Variants in MLIP observed in about 807,000 individuals in gnomAD.
MLIP encodes the protein muscular LMNA-interacting protein.
A neutral mutation model predicts 84.8 loss-of-function variants in MLIP; 79 were observed. The observed-to-expected ratio is 0.93, with a 90% CI of 0.78 to 1.12. The LOEUF (loss-of-function observed/expected upper bound fraction) is 1.12, where lower values mean the gene tolerates loss of function less well. MLIP is among the 50% of genes most tolerant of loss of function. The pLI, the probability that MLIP is intolerant of heterozygous loss-of-function variation, is 0.00. For synonymous variants in MLIP, 504 were observed against 463.0 expected (o/e 1.09, Z -1.14); for missense variants, 1,257 against 1,160.6 (o/e 1.08, Z -1.21).
In MLIP at chr6:54,213,734, A is replaced by AACC. The variant is rs1554185767; in HGVS notation, c.2718+11502_2718+11503insCCA. ...AAAAAAAAAAAAAAAAAAAAAAAAA[A>AACC]AACAACAAACAGCATATCTTGTATG... On this transcript the variant is annotated intron_variant, in intron 11 of 13. Transcript: ENST00000502396. 1.3e-3 allele frequency among the ~76,000 whole-genome samples: 110 copies of AACC among 82,366 alleles called. 17 individuals carry two copies. Among genetic ancestry groups the AACC allele is most frequent in the African/African-American group, 1.8e-3 (41 of 22,300 alleles). The allele number at this position is 82,366 out of a possible 152,430, so 54.0% of individuals were successfully genotyped here. A position where few individuals can be genotyped will look rare whatever the true frequency, so the allele number is the denominator to read the frequency against.
At chr6:54,118,753 T>G (rs1294912289) in intron 1 of MLIP, among the ~76,000 whole-genome samples, 2 of 152,100 alleles carry the variant, frequency 1.3e-5, no homozygotes, top group East Asian at 3.9e-4. Context: ...AGAAAATATT[T>G]GTAAATTATA....
At chr6:54,115,590 A>G (rs1769844669) in intron 1 of MLIP, among the ~76,000 whole-genome samples, 1 of 152,210 alleles carries the variant, frequency 6.6e-6, no homozygotes, top group African/African-American at 2.4e-5. Context: ...AAAAATACCC[A>G]TTGAGATATA....
intron 5 of MLIP, among the ~76,000 whole-genome samples, chr6:54,156,885 C>T (rs182795507): frequency 6.6e-6 from 1 of 152,038 alleles, no homozygotes; most frequent in Admixed American, 6.6e-5. Context: ...ATGCAATATG[C>T]TTAAGATATG....
intron 10 of MLIP, among the ~76,000 whole-genome samples, chr6:54,190,307 C>T (rs1348964273): frequency 3.3e-5 from 5 of 152,058 alleles, no homozygotes; most frequent in African/African-American, 4.8e-5. Flanking sequence ...AGATATGTCA[C>T]ACAGGAGAAT....
At chr6:54,088,356 C>G (rs1767635785) in intron 1 of MLIP, among the ~76,000 whole-genome samples, 1 of 152,016 alleles carries the variant, frequency 6.6e-6, no homozygotes, top group Admixed American at 6.6e-5. Context: ...CTTATTTTAC[C>G]CTTCTTTGCT....
At chr6:54,193,425 G>A (rs938968998) in intron 10 of MLIP, among the ~76,000 whole-genome samples, 20 of 152,132 alleles carry the variant, frequency 1.3e-4, no homozygotes, top group African/African-American at 4.8e-4. Context: ...GATATTATGA[G>A]CAGCCATTTT....
chr6:54,114,019 T>G (rs486135), intron 1 of MLIP, among the ~76,000 whole-genome samples: 59,322 of 152,022 alleles, frequency 0.39, 12,060 homozygotes, highest in African/African-American at 0.5. Context: ...TTTGGACTGG[T>G]TCCTCAGTGT....
At chr6:54,056,949 A>G (rs1765696086) in intron 1 of MLIP, among the ~76,000 whole-genome samples, 1 of 152,196 alleles carries the variant, frequency 6.6e-6, no homozygotes, top group South Asian at 2.1e-4. Flanking sequence ...TTGCTTTATA[A>G]ATGAGAAAAG....
chr6:54,059,968 G>T (rs1461917515), intron 1 of MLIP, among the ~76,000 whole-genome samples: 1 of 152,226 alleles, frequency 6.6e-6, no homozygotes, highest in Non-Finnish European at 1.5e-5. Flanking sequence ...ATTCAGCATA[G>T]GCATGTAGTG....
intron 12 of MLIP, among the ~76,000 whole-genome samples, chr6:54,233,369 C>T (rs976734362): frequency 6.6e-6 from 1 of 151,802 alleles, no homozygotes; most frequent in Non-Finnish European, 1.5e-5. Context: ...TGATGTTCCC[C>T]TCTCTGTGTC....
chr6:54,193,426 C>A (rs1055884393), intron 10 of MLIP, among the ~76,000 whole-genome samples: 1 of 151,986 alleles, frequency 6.6e-6, no homozygotes, highest in Non-Finnish European at 1.5e-5. Flanking sequence ...ATATTATGAG[C>A]AGCCATTTTT....
chr6:54,022,306 C>T (rs780685472), intron 1 of MLIP, among the ~76,000 whole-genome samples: 8 of 152,150 alleles, frequency 5.3e-5, no homozygotes, highest in African/African-American at 1.9e-4. Context: ...TTCCTAAACT[C>T]GCCTATCACT....
intron 11 of MLIP, among the ~76,000 whole-genome samples, chr6:54,228,247 A>AGAATG (rs1780741852): frequency 2.1e-5 from 3 of 146,248 alleles, no homozygotes; most frequent in Non-Finnish European, 4.5e-5. Context: ...GATCGAACAT[A>AGAATG]GGAGAGAGAG....
intron 1 of MLIP, among the ~76,000 whole-genome samples, chr6:54,024,182 T>C (rs1258476749): frequency 6.6e-6 from 1 of 152,134 alleles, no homozygotes; most frequent in Non-Finnish European, 1.5e-5. Flanking sequence ...CCAGCTAATT[T>C]TGTATTTTTA....
chr6:54,136,125 ATTTGGAC>A (rs764672444), intron 3 of MLIP, among the ~76,000 whole-genome samples: 11 of 152,210 alleles, frequency 7.2e-5, no homozygotes, highest in Non-Finnish European at 1.5e-4. Context: ...TTCCTGTTTA[ATTTGGAC>A]TTTGCTTTCA....
chr6:54,129,991 C>T (rs1771249599), intron 3 of MLIP, among the ~76,000 whole-genome samples: 1 of 152,108 alleles, frequency 6.6e-6, no homozygotes, highest in African/African-American at 2.4e-5. Flanking sequence ...AACTTTTCTC[C>T]AGTGATCTTC....
chr6:54,222,118 G>A (rs972871615), intron 11 of MLIP, among the ~76,000 whole-genome samples: 1 of 151,828 alleles, frequency 6.6e-6, no homozygotes, highest in South Asian at 2.1e-4. Context: ...AAAACTTGAC[G>A]TTTTGATACA....
At chr6:54,157,449 G>C (rs1210707238) in intron 5 of MLIP, among the ~76,000 whole-genome samples, 1 of 152,030 alleles carries the variant, frequency 6.6e-6, no homozygotes, top group African/African-American at 2.4e-5. Context: ...CTTAGTAATA[G>C]GTTCCAGTTC....
chr6:54,083,378 T>C, intron 1 of MLIP: 3 of 1,167,874 alleles, frequency 2.6e-6, no homozygotes, highest in South Asian at 1.6e-5. Context: ...ACAGATGCAT[T>C]GCTATTTCCA....
Sources: gnomAD v4.1 joint callset for allele counts (sites outside exome capture counted in the v4.1 genomes callset) on GRCh38, gnomAD v4.1.1 for gene constraint, MANE v1.5 for transcripts, NCBI Gene and HGNC (gene_info 2026-07-23, HGNC 2026-07-21) for gene names.